PKHD1: variants seen among roughly 807,000 people sequenced by gnomAD.
PKHD1 encodes the protein fibrocystin.
Under a neutral mutation model 412.0 loss-of-function variants are expected in PKHD1, and 291 were observed. The observed-to-expected ratio is 0.71, with a 90% CI of 0.64 to 0.78. PKHD1 has a LOEUF of 0.78. Ranked by LOEUF, PKHD1 falls within the 30% of genes least tolerant of loss-of-function variation. PKHD1 has a pLI of 0.00. For missense variants in PKHD1, 4,825 were observed against 4,950.7 expected, an observed-to-expected ratio of 0.97 and a Z score of 0.76; for synonymous variants, 1,777 against 1,821.5, an observed-to-expected ratio of 0.98 and a Z score of 0.62.
intron 60 of PKHD1, among the ~76,000 whole-genome samples, chr6:51,738,476 G>A (rs750013286): frequency 2.0e-5 from 3 of 152,110 alleles, no homozygotes; most frequent in Non-Finnish European, 2.9e-5. Context: ...TTGTAGTCAC[G>A]ATTTTTGCTA....
intron 27 of PKHD1, among the ~76,000 whole-genome samples, chr6:52,039,113 T>C (rs947630901): frequency 4.6e-5 from 7 of 152,180 alleles, no homozygotes; most frequent in Non-Finnish European, 1.0e-4. Context: ...AAATGGCCAA[T>C]AAGCACATGA....
In PKHD1 at chr6:51,926,116, G is replaced by A. The variant is rs558868426; in HGVS notation, c.6121+7994C>T. 5.9e-5 allele frequency among the ~76,000 whole-genome samples: 9 copies of A among 152,018 alleles called. 1 individual carries two copies. The highest frequency in any genetic ancestry group is 2.1e-4 in the South Asian group (1 of 4,816). On this transcript the variant is annotated intron_variant, in intron 37 of 66. Coordinates refer to ENST00000371117, the MANE Select transcript of PKHD1 (RefSeq NM_138694.4). Reference sequence around the variant, plus strand: ...GTTGAAAGCTAAGGAGAAGAAAACCGAAGGAGCAATGTCAAACGGTGATGG... The same window carrying A: ...GTTGAAAGCTAAGGAGAAGAAAACCAAAGGAGCAATGTCAAACGGTGATGG...
At chr6:51,720,975 G>C (rs1226470256) in intron 60 of PKHD1, 1 of 983,296 alleles carries the variant, frequency 1.0e-6, no homozygotes, top group Non-Finnish European at 1.2e-6. Context: ...GAAAAGATCT[G>C]GCAGCAAAGG....
At chr6:51,768,374 C>T (rs1789491932) in intron 55 of PKHD1, among the ~76,000 whole-genome samples, 1 of 151,970 alleles carries the variant, frequency 6.6e-6, no homozygotes, top group South Asian at 2.1e-4. Context: ...TGTTATGCAT[C>T]ACCATTTATT....
rs558063022 is a variant in PKHD1 at position 51,668,554 on chromosome 6, T to G, written c.10157-8585A>C. On this transcript the variant is annotated intron_variant, in intron 60 of 66. Coordinates refer to ENST00000371117, the MANE Select transcript of PKHD1 (RefSeq NM_138694.4). ...CCCTTTATTTCCTTCTCCTGCCTGA[T>G]TGCCCTGGCCAGAACTTCCAACACT... Among the ~76,000 whole-genome samples, 1,467 of 152,286 alleles carry G rather than the reference T, an allele frequency of 9.6e-3. 10 individuals are homozygous for G. Among genetic ancestry groups the G allele is most frequent in the South Asian group, 0.015 (71 of 4,820 alleles).
At chr6:52,083,332 A>G in intron 2 of PKHD1, 77 bp from the exon 3 acceptor site, 1 of 936,940 alleles carries the variant, frequency 1.1e-6, no homozygotes, top group South Asian at 1.3e-5. Flanking sequence ...TTTAAGCAAT[A>G]TTTAACCTGC....
At position 51,905,317 on chromosome 6, in the gene PKHD1, T is replaced by C. The variant is rs1051626400; in HGVS notation, c.6808+898A>G. The stretch of plus-strand genomic sequence containing the variant: ...TATGCTAAGTGTTCAGGAGACAATG[T>C]CCTCAAGAAATCCGGTGGTATAAAG... On this transcript the variant is annotated intron_variant, in intron 41 of 66. Transcript: ENST00000371117. 1.8e-4 allele frequency among the ~76,000 whole-genome samples: 27 copies of C among 152,304 alleles called. 1 individual carries two copies. The highest frequency in any genetic ancestry group is 5.3e-4 in the African/African-American group (22 of 41,568).
chr6:51,954,277 C>T (rs1266918), intron 36 of PKHD1, among the ~76,000 whole-genome samples: 49,508 of 151,780 alleles, frequency 0.33, 8,696 homozygotes, highest in African/African-American at 0.43. Context: ...ATGATAAATG[C>T]TAGCTCTCAT....
At chr6:51,678,782 C>A (rs1333157046) in intron 60 of PKHD1, among the ~76,000 whole-genome samples, 1 of 152,060 alleles carries the variant, frequency 6.6e-6, no homozygotes, top group African/African-American at 2.4e-5. Flanking sequence ...CATCATCACC[C>A]TACACCTTCT....
At position 51,940,033 on chromosome 6, in the gene PKHD1, T is replaced by G. The variant is rs888592950; in HGVS notation, c.5909-5711A>C. 4.0e-5 allele frequency among the ~76,000 whole-genome samples: 6 copies of G among 151,612 alleles called. 1 individual carries two copies. Among genetic ancestry groups the G allele is most frequent in the African/African-American group, 1.5e-4 (6 of 41,370 alleles). On this transcript the variant is annotated intron_variant, in intron 36 of 66. Transcript: ENST00000371117. The stretch of plus-strand genomic sequence containing the variant: ...AGGTTAATGCTCCTTTTTCTTTATC[T>G]GACCTCTCCCAAAATCAGTTAGCAT...
chr6:51,774,066 T>G (rs910414868), intron 54 of PKHD1, among the ~76,000 whole-genome samples: 1 of 151,910 alleles, frequency 6.6e-6, no homozygotes, highest in Non-Finnish European at 1.5e-5. Context: ...CCTGAAGTAA[T>G]TTAAAGAGAT....
chr6:51,909,171 C>A (rs1003090796), intron 40 of PKHD1, 112 bp downstream of exon 40: 9 of 834,776 alleles, frequency 1.1e-5, no homozygotes, highest in Non-Finnish European at 1.8e-5. Context: ...TAACAATTAT[C>A]CATCTCTAAA....
rs4715272 is a variant in PKHD1 at position 52,058,611 on chromosome 6, A to T, written c.1234-10T>A. On this transcript the variant is annotated splice_polypyrimidine_tract_variant and intron_variant, in intron 15 of 66. Transcript: ENST00000371117. ...TGGAGGCCACTTTCACCTATGCCCA[A>T]ATAAGCATATCATGATCAATACTAT... The T allele has an allele frequency of 0.16, 257,930 of 1,612,430 alleles. 21,690 individuals carry two copies. Among genetic ancestry groups the T allele is most frequent in the Middle Eastern group, 0.23 (1,372 of 6,058 alleles).
intron 22 of PKHD1, among the ~76,000 whole-genome samples, chr6:52,049,392 C>T (rs752435071): frequency 3.0e-4 from 45 of 152,086 alleles, no homozygotes; most frequent in Non-Finnish European, 4.1e-4. Flanking sequence ...GGTCCATCAC[C>T]GACAGATACA....
intron 4 of PKHD1, 60 bp from the exon 5 acceptor site, chr6:52,080,068 GC>G: frequency 1.0e-6 from 1 of 955,770 alleles, no homozygotes; most frequent in Non-Finnish European, 1.7e-6. Flanking sequence ...AAAGCTAGCA[GC>G]CCACTTGCCA....
intron 52 of PKHD1, among the ~76,000 whole-genome samples, chr6:51,826,530 G>T (rs1341634374): frequency 6.6e-6 from 1 of 152,180 alleles, no homozygotes; most frequent in African/African-American, 2.4e-5. Flanking sequence ...TTTGCCATTT[G>T]ACCAGCTATT....
intron 61 of PKHD1, among the ~76,000 whole-genome samples, chr6:51,655,289 G>T (rs1267521658): frequency 6.6e-6 from 1 of 152,068 alleles, no homozygotes; most frequent in African/African-American, 2.4e-5. Context: ...TAGAAAGCAG[G>T]TGCCCAGGAT....
intron 36 of PKHD1, among the ~76,000 whole-genome samples, chr6:51,936,885 C>T (rs1787580504): frequency 6.6e-6 from 1 of 152,158 alleles, no homozygotes; most frequent in African/African-American, 2.4e-5. Context: ...GTATTTTACC[C>T]CAAAATATAT....
At chr6:51,792,749 C>T (rs1293712660) in intron 52 of PKHD1, among the ~76,000 whole-genome samples, 1 of 152,172 alleles carries the variant, frequency 6.6e-6, no homozygotes, top group Non-Finnish European at 1.5e-5. Flanking sequence ...GGTCCTATCC[C>T]ATCAGGATGC....
Sources: gnomAD v4.1 joint callset for allele counts (sites outside exome capture counted in the v4.1 genomes callset) on GRCh38, gnomAD v4.1.1 for gene constraint, MANE v1.5 for transcripts, NCBI Gene and HGNC (gene_info 2026-07-23, HGNC 2026-07-21) for gene names.